STON2: variants seen among roughly 807,000 people sequenced by gnomAD.
STON2 encodes the protein stonin-2.
Under a neutral mutation model 65.7 loss-of-function variants are expected in STON2, and 29 were observed. The ratio of observed to expected loss-of-function variants is 0.44; its 90% CI spans 0.33 to 0.60. STON2 has a LOEUF of 0.60. Among genes scored for constraint, STON2 ranks in the 20% least tolerant of loss-of-function variants. The pLI is 0.03. For synonymous variants in STON2, 404 were observed against 414.2 expected, an observed-to-expected ratio of 0.98 and a Z score of 0.30; for missense variants, 1,054 against 1,118.1, an observed-to-expected ratio of 0.94 and a Z score of 0.82.
At position 81,419,709 on chromosome 14, in the gene STON2, G is replaced by A. The variant is rs1478503981; in HGVS notation, c.-199+7393C>T. Among the ~76,000 whole-genome samples, 4 of 152,196 alleles carry A rather than the reference G, an allele frequency of 2.6e-5. No homozygotes were observed. In the South Asian group the frequency reaches 8.3e-4, roughly 32 times the overall value. On this transcript the variant is annotated intron_variant, in intron 2 of 8. Coordinates refer to the STON2 transcript ENST00000553821. ...CCCTCTTCCACCTCCACTGGCCCAT[G>A]ATCCTCTAGGGAAATAATGGCAGGT...
At chr14:81,404,002 A>G (rs894663857), upstream of STON2, among the ~76,000 whole-genome samples, 3 of 152,204 alleles carry the variant, frequency 2.0e-5, no homozygotes, top group African/African-American at 7.2e-5. Context: ...TGATGTCTTT[A>G]ACTCTTAGAA....
At chr14:81,280,128 A>T (rs2140128432) in intron 5 of STON2, among the ~76,000 whole-genome samples, 1 of 152,298 alleles carries the variant, frequency 6.6e-6, no homozygotes, top group African/African-American at 2.4e-5. Flanking sequence ...TCCATCTCGA[A>T]GTTTATTTTT....
At chr14:81,429,885 A>AG (rs1902155326) in intron 1 of STON2, among the ~76,000 whole-genome samples, 1 of 151,828 alleles carries the variant, frequency 6.6e-6, no homozygotes, top group South Asian at 2.1e-4. Flanking sequence ...CAGTGAGCTG[A>AG]GATCGCGCCA....
chr14:81,272,138 T>A (rs1211275067), intron 6 of STON2, among the ~76,000 whole-genome samples: 1 of 152,074 alleles, frequency 6.6e-6, no homozygotes, highest in Non-Finnish European at 1.5e-5. Context: ...AGGAGAATGG[T>A]GTGAACCTGG....
intron 5 of STON2, among the ~76,000 whole-genome samples, chr14:81,293,106 T>C (rs908489082): frequency 5.9e-5 from 9 of 151,980 alleles, no homozygotes; most frequent in Non-Finnish European, 1.2e-4. Flanking sequence ...GGCAGGAAGA[T>C]AGTGGGGGCT....
At chr14:81,395,657 G>A (rs1179163679) in intron 3 of STON2, 16 of 506,610 alleles carry the variant, frequency 3.2e-5, no homozygotes, top group Non-Finnish European at 2.1e-5. Flanking sequence ...AACAGCCAGG[G>A]ACAAGAGTAA....
At chr14:81,318,770 G>A (rs540461301) in intron 5 of STON2, among the ~76,000 whole-genome samples, 1 of 152,232 alleles carries the variant, frequency 6.6e-6, no homozygotes, top group African/African-American at 2.4e-5. Flanking sequence ...ATACTCACTT[G>A]AACCTGGGAG....
chr14:81,283,562 G>A (rs190638623), intron 5 of STON2, among the ~76,000 whole-genome samples: 239 of 129,154 alleles, frequency 1.9e-3, no homozygotes, highest in Non-Finnish European at 3.0e-3. Context: ...ATGGAGTCTC[G>A]CTGTGTTGCC....
chr14:81,321,134 T>A (rs931575215), intron 5 of STON2, among the ~76,000 whole-genome samples: 1 of 152,204 alleles, frequency 6.6e-6, no homozygotes, highest in Non-Finnish European at 1.5e-5. Context: ...GTGTCTGGGA[T>A]GTCACAGCAG....
intron 5 of STON2, among the ~76,000 whole-genome samples, chr14:81,286,812 C>T (rs1224497692): frequency 6.6e-6 from 1 of 152,170 alleles, no homozygotes; most frequent in Non-Finnish European, 1.5e-5. Flanking sequence ...TAAAACTTGA[C>T]CTCTTCATTT....
At chr14:81,374,143 T>C (rs1899139497) in intron 3 of STON2, among the ~76,000 whole-genome samples, 1 of 150,562 alleles carries the variant, frequency 6.6e-6, no homozygotes, top group Non-Finnish European at 1.5e-5. Flanking sequence ...CCCAAGTAGC[T>C]GGGACTGCAG....
At chr14:81,420,517 C>T (rs1346665341) in intron 2 of STON2, among the ~76,000 whole-genome samples, 1 of 152,134 alleles carries the variant, frequency 6.6e-6, no homozygotes, top group African/African-American at 2.4e-5. Context: ...AGATCCAGCA[C>T]CTGCCTTGGA....
chr14:81,422,952 T>C (rs1015074694), intron 2 of STON2, among the ~76,000 whole-genome samples: 2 of 152,136 alleles, frequency 1.3e-5, no homozygotes, highest in African/African-American at 4.8e-5. Flanking sequence ...GGAAAATCGC[T>C]TGAACCCTGG....
upstream of STON2, among the ~76,000 whole-genome samples, chr14:81,403,255 C>T (rs763506242): frequency 8.5e-5 from 13 of 152,150 alleles, no homozygotes; most frequent in Non-Finnish European, 1.3e-4. Context: ...TCCTGCTCAC[C>T]TTCAAGTCTT....
intron 2 of STON2, among the ~76,000 whole-genome samples, chr14:81,416,851 C>T (rs897765788): frequency 2.6e-5 from 4 of 152,206 alleles, no homozygotes; most frequent in Admixed American, 2.6e-4. Context: ...GCACACAAAA[C>T]CTTTATGTTT....
At chr14:81,322,314 C>T (rs1440817315) in intron 5 of STON2, among the ~76,000 whole-genome samples, 5 of 152,174 alleles carry the variant, frequency 3.3e-5, no homozygotes, top group Middle Eastern at 3.2e-3. Context: ...CTATCAGTGC[C>T]GTTAACTGCA....
chr14:81,264,304 AT>A lies in STON2; in HGVS notation c.*4109del. ...GCAGGAGTAAAAGGAAAGCAAAATT[AT>A]TTAAGTCCTTCAGGAAATAAAAGCA... On this transcript the variant is annotated 3_prime_UTR_variant, in exon 8 of 8. Transcript: ENST00000614646. 1.0e-6 allele frequency: 1 copy of A among 985,472 alleles called. No homozygotes were observed. Among genetic ancestry groups the A allele is most frequent in the Non-Finnish European group, 1.2e-6 (1 of 829,924 alleles). 61.0% of individuals were successfully genotyped at this position (985,472 alleles called of 1,614,324 possible). A position where few individuals can be genotyped will look rare whatever the true frequency, so the allele number is the denominator to read the frequency against.
Position 81,263,927 on chromosome 14 carries a change from T to G in STON2, c.*4487A>C. The G allele has an allele frequency of 1.0e-6, 1 of 985,424 alleles. No homozygotes were observed. The highest frequency in any genetic ancestry group is 1.2e-6 in the Non-Finnish European group (1 of 829,944). 61.0% of individuals were successfully genotyped at this position (985,424 alleles called of 1,614,324 possible). ...GAAATCATGACTTTATCTCACAAAT[T>G]TTGACCTTACTATCTCAGACCTCCA... On this transcript the variant is annotated 3_prime_UTR_variant, in exon 8 of 8. Transcript: ENST00000614646.
intron 5 of STON2, among the ~76,000 whole-genome samples, chr14:81,309,817 G>A (rs1270013523): frequency 2.6e-5 from 4 of 152,194 alleles, no homozygotes; most frequent in African/African-American, 9.7e-5. Context: ...CCAAAGACAG[G>A]AAGAGACTGG....
Sources: gnomAD v4.1 joint callset for allele counts (sites outside exome capture counted in the v4.1 genomes callset) on GRCh38, gnomAD v4.1.1 for gene constraint, MANE v1.5 for transcripts, NCBI Gene and HGNC (gene_info 2026-07-23, HGNC 2026-07-21) for gene names.